The following METAP1 variants were observed in gnomAD, a reference collection of about 807,000 sequenced individuals.
METAP1 encodes methionyl aminopeptidase 1, also known as methionine aminopeptidase 1.
In METAP1, 28 loss-of-function variants were observed where a neutral mutation model predicts 53.8. The ratio of observed to expected loss-of-function variants is 0.52; its 90% CI spans 0.39 to 0.71. METAP1 has a LOEUF of 0.71. Ranked by LOEUF, METAP1 falls within the 30% of genes least tolerant of loss-of-function variation. METAP1 has a pLI of 0.00. For missense variants in METAP1, 389 were observed against 479.8 expected (o/e 0.81, Z 1.77); for synonymous variants, 181 against 165.7 (o/e 1.09, Z -0.71).
At chr4:99,036,342 A>G (rs1265063878) in intron 4 of METAP1, among the ~76,000 whole-genome samples, 2 of 152,106 alleles carry the variant, frequency 1.3e-5, no homozygotes, top group African/African-American at 4.8e-5. Context: ...GATAGTCTAA[A>G]TGATAGCCTA....
intron 1 of METAP1, among the ~76,000 whole-genome samples, chr4:99,020,407 G>C (rs766883375): frequency 6.6e-6 from 1 of 152,124 alleles, no homozygotes; most frequent in Non-Finnish European, 1.5e-5. Flanking sequence ...GGAAAATTTT[G>C]AATATCCCTT....
In METAP1 at chr4:98,995,846, G is replaced by A. The variant is rs1318601240; in HGVS notation, c.93G>A (p.Gln31=). The A allele has an allele frequency of 2.6e-6, 4 of 1,542,208 alleles. No homozygotes were observed. The Admixed American group carries it at 6.0e-5, about 23-fold the overall frequency. ...CCACTTGCATCAAGCTGGGCATCCA[G>A]GGCTCGTACTTCTGCTCGCAGGTAG... ...QCPTCIKLGI[Q]GSYFCSQECF... The change falls in exon 1 of 11, where the codon CAG becomes CAA. Residue 31 remains glutamine (Q), a synonymous_variant. Transcript: ENST00000296411.
Position 99,028,915 on chromosome 4 carries a change from G to A in METAP1, c.163G>A (p.Ala55Thr). The change falls in exon 2 of 11, where the codon GCA becomes ACA. Residue 55 changes from alanine to threonine, a missense_variant. Coordinates refer to ENST00000296411, the MANE Select transcript of METAP1 (RefSeq NM_015143.3). The part of the protein sequence containing the change: ...WATHKLLHKK[A>T]KDEKAKREVS... Reference sequence around the variant, plus strand: ...TACTCACAAGTTACTACATAAGAAAGCAAGTAAGTACAATCACAAATTTTT... The same window carrying A: ...TACTCACAAGTTACTACATAAGAAAACAAGTAAGTACAATCACAAATTTTT... 1 of 1,542,442 alleles carries A rather than the reference G, an allele frequency of 6.5e-7. No homozygotes were observed. Among genetic ancestry groups the A allele is most frequent in the African/African-American group, 1.4e-5 (1 of 72,936 alleles).
Position 99,048,719 on chromosome 4 carries a change from T to C in METAP1, c.788-14T>C, listed in dbSNP as rs765353106. 10 of 1,612,486 alleles carry C rather than the reference T, an allele frequency of 6.2e-6. No homozygotes were observed. Among genetic ancestry groups the C allele is most frequent in the Non-Finnish European group, 7.6e-6 (9 of 1,179,046 alleles). On this transcript the variant is annotated splice_polypyrimidine_tract_variant and intron_variant, in intron 8 of 10. Coordinates refer to ENST00000296411, the MANE Select transcript of METAP1 (RefSeq NM_015143.3). ...AGTTATTAGTTTATCATGAATTTTC[T>C]TTTTTCCTTTCAGTGAAGCCTGGTG...
At chr4:99,037,477 A>G (rs1725517049) in intron 4 of METAP1, among the ~76,000 whole-genome samples, 1 of 152,002 alleles carries the variant, frequency 6.6e-6, no homozygotes, top group South Asian at 2.1e-4. Flanking sequence ...TCTGAAACTT[A>G]CTTGGCATAA....
At chr4:99,024,982 T>C (rs1180394009) in intron 1 of METAP1, among the ~76,000 whole-genome samples, 1 of 152,232 alleles carries the variant, frequency 6.6e-6, no homozygotes, top group Non-Finnish European at 1.5e-5. Context: ...GCAACCTGGC[T>C]CCTTGCATGT....
At chr4:99,041,439 A>G in intron 6 of METAP1, among the ~76,000 whole-genome samples, 1 of 151,144 alleles carries the variant, frequency 6.6e-6, no homozygotes, top group South Asian at 2.1e-4. Flanking sequence ...TCCTGCCACT[A>G]CAGACATCAA....
chr4:99,030,419 G>A (rs1157042342), intron 2 of METAP1, among the ~76,000 whole-genome samples: 1 of 152,176 alleles, frequency 6.6e-6, no homozygotes, highest in Non-Finnish European at 1.5e-5. Flanking sequence ...TTAGTATGGT[G>A]CCATCTTGTA....
intron 7 of METAP1, 139 bp downstream of exon 7, chr4:99,043,526 T>A: frequency 1.2e-6 from 1 of 845,156 alleles, no homozygotes; most frequent in Non-Finnish European, 1.8e-6. Flanking sequence ...CACTAACTCT[T>A]AAATCTACAG....
At chr4:99,027,503 T>G (rs530416737) in intron 1 of METAP1, among the ~76,000 whole-genome samples, 46 of 151,856 alleles carry the variant, frequency 3.0e-4, no homozygotes, top group African/African-American at 1.1e-3. Flanking sequence ...TCCTGCGGTA[T>G]GAGTTCAGTT....
chr4:99,032,407 A>G (rs1725109260), intron 2 of METAP1, among the ~76,000 whole-genome samples: 1 of 151,684 alleles, frequency 6.6e-6, no homozygotes, highest in African/African-American at 2.4e-5. Context: ...TAAGTTTCGT[A>G]TTTTTTGTGG....
At chr4:99,037,611 A>T (rs1725526290) in intron 4 of METAP1, among the ~76,000 whole-genome samples, 1 of 151,884 alleles carries the variant, frequency 6.6e-6, no homozygotes, top group Non-Finnish European at 1.5e-5. Flanking sequence ...TTGTTGTATT[A>T]TGTTCTCACA....
chr4:99,057,914 T>A (rs759863606), intron 10 of METAP1, 96 bp downstream of exon 10: 315 of 1,031,904 alleles, frequency 3.1e-4, no homozygotes, highest in Non-Finnish European at 4.3e-4. Flanking sequence ...GCTTGCTTTT[T>A]GCTTCCTACT....
intron 1 of METAP1, among the ~76,000 whole-genome samples, chr4:99,003,229 TATC>T (rs1355127436): frequency 1.3e-5 from 2 of 152,216 alleles, no homozygotes; most frequent in Non-Finnish European, 2.9e-5. Flanking sequence ...CAACTTCCCT[TATC>T]ATTATAAAGT....
rs181803397 is a variant in METAP1 at position 99,040,196 on chromosome 4, A to G, written c.432+731A>G. Among the ~76,000 whole-genome samples, 209 of 152,310 alleles carry G rather than the reference A, an allele frequency of 1.4e-3. 3 individuals are homozygous for G. The highest frequency in any genetic ancestry group is 4.7e-3 in the African/African-American group (195 of 41,584). On this transcript the variant is annotated intron_variant, in intron 5 of 10. Coordinates refer to ENST00000296411, the MANE Select transcript of METAP1 (RefSeq NM_015143.3). ...TTTTGTCATTTTATTTTCACAAGTC[A>G]TCATAACATAGGACAGAGTTTAAGG...
intron 9 of METAP1, among the ~76,000 whole-genome samples, chr4:99,049,972 G>T (rs1579326188): frequency 6.6e-6 from 1 of 152,148 alleles, no homozygotes; most frequent in East Asian, 1.9e-4. Flanking sequence ...AGAGGTAATT[G>T]GCTTGCTCAA....
chr4:99,050,141 G>A (rs929181995), intron 9 of METAP1, among the ~76,000 whole-genome samples: 2 of 152,136 alleles, frequency 1.3e-5, no homozygotes, highest in Non-Finnish European at 2.9e-5. Flanking sequence ...TTGGTTGGGT[G>A]GAGAGGAGAA....
intron 1 of METAP1, among the ~76,000 whole-genome samples, chr4:99,007,312 C>A (rs559211159): frequency 6.6e-6 from 1 of 152,288 alleles, no homozygotes; most frequent in African/African-American, 2.4e-5. Flanking sequence ...CATTTCATCA[C>A]ATCAGGAGGC....
At chr4:99,032,974 A>C (rs1725155737) in intron 2 of METAP1, among the ~76,000 whole-genome samples, 1 of 152,170 alleles carries the variant, frequency 6.6e-6, no homozygotes, top group Admixed American at 6.5e-5. Flanking sequence ...ATTCTTTTCC[A>C]AAGTAATATG....
Sources: allele counts gnomAD v4.1 joint callset (sites outside exome capture counted in the v4.1 genomes callset), GRCh38; gene constraint gnomAD v4.1.1; transcripts MANE v1.5; gene names NCBI Gene and HGNC (gene_info 2026-07-23, HGNC 2026-07-21).